Variants in CDC42BPA observed in about 807,000 individuals in gnomAD.
The protein encoded by CDC42BPA is serine/threonine-protein kinase MRCK alpha.
Under a neutral mutation model 223.5 loss-of-function variants are expected in CDC42BPA, and 80 were observed. The ratio of observed to expected loss-of-function variants is 0.36; its 90% CI spans 0.30 to 0.43. The LOEUF (loss-of-function observed/expected upper bound fraction) is 0.43, where lower values mean the gene tolerates loss of function less well. Among genes scored for constraint, CDC42BPA ranks in the 20% least tolerant of loss-of-function variants. CDC42BPA has a pLI of 1.00. For missense variants in CDC42BPA, 1,743 were observed against 2,099.9 expected (o/e 0.83, Z 3.32); for synonymous variants, 694 against 718.6 (o/e 0.97, Z 0.55).
chr1:227,245,284 CTTTTTTTTT>C (rs759666049), intron 2 of CDC42BPA, among the ~76,000 whole-genome samples: 3 of 81,788 alleles, frequency 3.7e-5, no homozygotes, highest in African/African-American at 1.6e-4. Context: ...TGTCTTGCAT[CTTTTTTTTT>C]TTTTTTTTTT....
At chr1:227,033,190 C>T (rs559736484) in intron 27 of CDC42BPA, 144 bp downstream of exon 27, 3 of 524,102 alleles carry the variant, frequency 5.7e-6, no homozygotes, top group African/African-American at 3.8e-5. Context: ...TTTTCTATAC[C>T]TTCAAGTACT....
intron 28 of CDC42BPA, among the ~76,000 whole-genome samples, chr1:227,031,020 C>G (rs1669176672): frequency 6.6e-6 from 1 of 152,014 alleles, no homozygotes; most frequent in Admixed American, 6.6e-5. Context: ...CTAACTTGTT[C>G]TAAATCACAC....
intron 15 of CDC42BPA, among the ~76,000 whole-genome samples, chr1:227,100,714 G>GTGTGT (rs1553337859): frequency 4.8e-5 from 7 of 145,364 alleles, no homozygotes; most frequent in East Asian, 2.0e-4. Flanking sequence ...TCAGATTATA[G>GTGTGT]GTGTGTGTGT....
intron 1 of CDC42BPA, among the ~76,000 whole-genome samples, chr1:227,261,118 G>GTTTTTGTTTTTTTTTTTTTTTT (rs1351313489): frequency 2.0e-5 from 1 of 51,144 alleles, no homozygotes; most frequent in Non-Finnish European, 4.2e-5. Flanking sequence ...GAATAATTGA[G>GTTTTTGTTTTTTTTTTTTTTTT]TTTTTCTTTT....
chr1:227,010,881 CAG>C (rs769484666), intron 34 of CDC42BPA: 1 of 1,360,936 alleles, frequency 7.3e-7, no homozygotes, highest in Non-Finnish European at 9.8e-7. Context: ...TTCATACCCT[CAG>C]AGTCATAAAG....
chr1:227,145,492 A>AT lies in CDC42BPA; in HGVS notation c.1139dup (p.Asn380LysfsTer3). On this transcript the variant is annotated frameshift_variant, in exon 8 of 37. Transcript: ENST00000366766. LOFTEE classifies it high-confidence loss of function. ...TTCTTCACAGTGTCATACTTACAGA[A>AT]TTTTTTAAACAATCATCATCTACAT... is the stretch of plus-strand genomic sequence containing the variant. The AT allele has an allele frequency of 6.2e-7, 1 of 1,612,502 alleles. No homozygotes were observed. The highest frequency in any genetic ancestry group is 8.5e-7 in the Non-Finnish European group (1 of 1,179,114).
chr1:227,251,955 A>G (rs1682088247), intron 2 of CDC42BPA, among the ~76,000 whole-genome samples: 1 of 152,118 alleles, frequency 6.6e-6, no homozygotes. Context: ...CATAGATCAA[A>G]AACAAAAATT....
At chr1:227,127,350 C>T (rs927710395) in intron 11 of CDC42BPA, among the ~76,000 whole-genome samples, 36 of 152,282 alleles carry the variant, frequency 2.4e-4, no homozygotes, top group African/African-American at 7.9e-4. Context: ...TAGTGAATGA[C>T]ATAACAACTA....
At position 227,053,013 on chromosome 1, in the gene CDC42BPA, G is replaced by C. The variant is rs376821986; in HGVS notation, c.2905-1028C>G. ...AATGAATGATAAATAATTGAGAGTA[G>C]AAACACTTGGAAAAGAAGGTTCCCC... is the stretch of plus-strand genomic sequence containing the variant. On this transcript the variant is annotated intron_variant, in intron 21 of 36. Transcript: ENST00000366766. 1.2e-4 allele frequency among the ~76,000 whole-genome samples: 18 copies of C among 152,258 alleles called. No individual in the cohort carries two copies. In the South Asian group the frequency reaches 3.7e-3, roughly 32 times the overall value.
chr1:227,271,531 G>C (rs1685952051), intron 1 of CDC42BPA, among the ~76,000 whole-genome samples: 1 of 151,940 alleles, frequency 6.6e-6, no homozygotes, highest in African/African-American at 2.4e-5. Context: ...GCAGTGGGGA[G>C]AACGATACAA....
intron 12 of CDC42BPA, among the ~76,000 whole-genome samples, chr1:227,118,379 A>AT (rs898517922): frequency 1.5e-4 from 23 of 151,920 alleles, no homozygotes; most frequent in African/African-American, 4.6e-4. Context: ...TGGAATGGCT[A>AT]TTTTTTTTAA....
chr1:227,237,736 G>A (rs1048745441), intron 2 of CDC42BPA, among the ~76,000 whole-genome samples: 3 of 152,070 alleles, frequency 2.0e-5, no homozygotes, highest in African/African-American at 7.2e-5. Flanking sequence ...GTTGTCTCAG[G>A]ACCATTTATT....
chr1:227,100,314 T>G (rs1007690806), intron 15 of CDC42BPA, among the ~76,000 whole-genome samples: 4 of 152,096 alleles, frequency 2.6e-5, no homozygotes, highest in Non-Finnish European at 5.9e-5. Flanking sequence ...GTAGCAAGAG[T>G]GGTGATTCAA....
chr1:227,178,888 CTGAG>C (rs1174984170), intron 5 of CDC42BPA, among the ~76,000 whole-genome samples: 1 of 152,200 alleles, frequency 6.6e-6, no homozygotes, highest in Non-Finnish European at 1.5e-5. Flanking sequence ...TCCTGATAGA[CTGAG>C]TAATTTTGGA....
intron 1 of CDC42BPA, among the ~76,000 whole-genome samples, chr1:227,258,664 A>G (rs1286216761): frequency 6.6e-6 from 1 of 150,976 alleles, no homozygotes; most frequent in Non-Finnish European, 1.5e-5. Flanking sequence ...TCATGTATCA[A>G]TTACTTGAAT....
intron 2 of CDC42BPA, among the ~76,000 whole-genome samples, chr1:227,253,468 C>T (rs979441767): frequency 3.3e-5 from 5 of 152,148 alleles, no homozygotes; most frequent in East Asian, 3.9e-4. Context: ...TGATGGCGGA[C>T]GCCTGTAATC....
At chr1:227,221,580 A>C in intron 2 of CDC42BPA, among the ~76,000 whole-genome samples, 1 of 77,024 alleles carries the variant, frequency 1.3e-5, no homozygotes. Context: ...AGACCTCATT[A>C]TTTCAACAGA....
chr1:227,239,538 CTG>C (rs1464277572), intron 2 of CDC42BPA, among the ~76,000 whole-genome samples: 1 of 152,060 alleles, frequency 6.6e-6, no homozygotes, highest in African/African-American at 2.4e-5. Flanking sequence ...TACGGGAACT[CTG>C]TATTTTCTGC....
chr1:227,051,617 A>C (rs1673538987), intron 22 of CDC42BPA, among the ~76,000 whole-genome samples: 1 of 152,220 alleles, frequency 6.6e-6, no homozygotes, highest in Admixed American at 6.5e-5. Context: ...TTACATAATT[A>C]ATCTTCTGTT....
Sources: allele counts gnomAD v4.1 joint callset (sites outside exome capture counted in the v4.1 genomes callset), GRCh38; gene constraint gnomAD v4.1.1; transcripts MANE v1.5; gene names NCBI Gene and HGNC (gene_info 2026-07-23, HGNC 2026-07-21).